Variants in TMEM132C observed in about 807,000 individuals in gnomAD.
The protein encoded by TMEM132C is protein phosphatase 1, regulatory subunit 152.
Under a neutral mutation model 61.4 loss-of-function variants are expected in TMEM132C, and 29 were observed. That is an observed-to-expected ratio of 0.47 (90% CI 0.35 to 0.64). TMEM132C has a LOEUF of 0.64. Among genes scored for constraint, TMEM132C ranks in the 30% least tolerant of loss-of-function variants. The probability of loss-of-function intolerance (pLI) is 0.00; values close to 1 mark genes in which losing one functional copy is unlikely to be tolerated. For missense variants in TMEM132C, 1,408 were observed against 1,476.9 expected (o/e 0.95, Z 0.76); for synonymous variants, 656 against 633.1 (o/e 1.04, Z -0.54).
At chr12:128,689,578 C>T (rs1228600682) in intron 5 of TMEM132C, among the ~76,000 whole-genome samples, 1 of 152,086 alleles carries the variant, frequency 6.6e-6, no homozygotes, top group Admixed American at 6.6e-5. Flanking sequence ...GCACAAAAAC[C>T]ATACTAGGAG....
chr12:128,405,180 C>T lies in TMEM132C; in HGVS notation c.86-9552C>T, dbSNP rs118172760. ...AAGAGGAAAGACATTTGTCAGAACTCGCAATGCCATGGCAGCCCTGGAATT... is the reference window on the plus strand; with the variant it reads ...AAGAGGAAAGACATTTGTCAGAACTTGCAATGCCATGGCAGCCCTGGAATT... On this transcript the variant is annotated intron_variant, in intron 1 of 8. Transcript: ENST00000435159. Among the ~76,000 whole-genome samples, 758 of 152,214 alleles carry T rather than the reference C, an allele frequency of 5.0e-3. 7 individuals carry two copies. Among genetic ancestry groups the T allele is most frequent in the Middle Eastern group, 0.027 (8 of 294 alleles).
At chr12:128,475,031 T>C (rs1458850108) in intron 2 of TMEM132C, among the ~76,000 whole-genome samples, 8 of 152,046 alleles carry the variant, frequency 5.3e-5, no homozygotes, top group Non-Finnish European at 1.2e-4. Context: ...CGAGGCTACA[T>C]GTGGAAGGGA....
intron 1 of TMEM132C, among the ~76,000 whole-genome samples, chr12:128,390,776 C>T (rs762986905): frequency 1.6e-4 from 25 of 152,108 alleles, no homozygotes; most frequent in African/African-American, 4.1e-4. Context: ...CTGGGAAGAG[C>T]GAAGCCGGGA....
chr12:128,305,143 CAG>C (rs1325872285), intron 1 of TMEM132C, among the ~76,000 whole-genome samples: 1 of 151,964 alleles, frequency 6.6e-6, no homozygotes. Context: ...CTTTGGGAGG[CAG>C]AAGTGGGAGG....
At chr12:128,556,909 T>G (rs571186458) in intron 3 of TMEM132C, among the ~76,000 whole-genome samples, 1 of 152,284 alleles carries the variant, frequency 6.6e-6, no homozygotes, top group East Asian at 1.9e-4. Flanking sequence ...GGACTCTTGA[T>G]TCACAGAAAC....
At chr12:128,692,376 A>G (rs761311470) in intron 5 of TMEM132C, among the ~76,000 whole-genome samples, 2 of 152,190 alleles carry the variant, frequency 1.3e-5, no homozygotes, top group African/African-American at 2.4e-5. Flanking sequence ...AATGAACACA[A>G]TGTACTTTTT....
At chr12:128,313,354 C>A in intron 1 of TMEM132C, among the ~76,000 whole-genome samples, 1 of 152,216 alleles carries the variant, frequency 6.6e-6, no homozygotes, top group East Asian at 1.9e-4. Context: ...ATGGCAGAAT[C>A]AGCCTTGGCA....
chr12:128,523,827 A>G (rs75387661), intron 2 of TMEM132C, among the ~76,000 whole-genome samples: 374 of 151,418 alleles, frequency 2.5e-3, no homozygotes, highest in South Asian at 3.5e-3. Context: ...AAAAAAAAAA[A>G]AGAGACCCTG....
chr12:128,577,025 T>G (rs1031732458), intron 3 of TMEM132C, among the ~76,000 whole-genome samples: 3 of 152,204 alleles, frequency 2.0e-5, no homozygotes, highest in Non-Finnish European at 2.9e-5. Flanking sequence ...TGTTTAATTC[T>G]TAAACATTTT....
intron 2 of TMEM132C, among the ~76,000 whole-genome samples, chr12:128,487,923 A>G (rs1488982187): frequency 6.6e-6 from 1 of 152,150 alleles, no homozygotes; most frequent in Admixed American, 6.5e-5. Context: ...CTTCCATTAA[A>G]ATTAATTAAA....
chr12:128,286,259 G>A (rs570107976), intron 1 of TMEM132C, among the ~76,000 whole-genome samples: 4 of 151,908 alleles, frequency 2.6e-5, no homozygotes, highest in Admixed American at 6.6e-5. Flanking sequence ...TAGCTTATAC[G>A]TGAACATTTC....
chr12:128,386,547 G>T (rs1874587931), intron 1 of TMEM132C, among the ~76,000 whole-genome samples: 1 of 152,178 alleles, frequency 6.6e-6, no homozygotes, highest in South Asian at 2.1e-4. Flanking sequence ...GGCTGGATAA[G>T]GAGATAAGTG....
intron 3 of TMEM132C, among the ~76,000 whole-genome samples, chr12:128,556,581 G>A (rs1874335249): frequency 6.6e-6 from 1 of 152,144 alleles, no homozygotes; most frequent in Non-Finnish European, 1.5e-5. Flanking sequence ...CCATGAACAG[G>A]TGGCAACTTT....
intron 2 of TMEM132C, among the ~76,000 whole-genome samples, chr12:128,524,693 T>A (rs903153881): frequency 2.6e-5 from 4 of 152,102 alleles, no homozygotes; most frequent in Non-Finnish European, 4.4e-5. Flanking sequence ...GGCTTTGGGA[T>A]CGATGGGTTT....
At chr12:128,453,678 G>A (rs1283343556) in intron 2 of TMEM132C, among the ~76,000 whole-genome samples, 2 of 152,162 alleles carry the variant, frequency 1.3e-5, no homozygotes, top group Non-Finnish European at 2.9e-5. Context: ...TCTGGAGCTG[G>A]GAGCAAACCA....
chr12:128,452,186 C>G (rs1217912272), intron 2 of TMEM132C, among the ~76,000 whole-genome samples: 2 of 151,958 alleles, frequency 1.3e-5, no homozygotes, highest in African/African-American at 4.8e-5. Flanking sequence ...CTTCACTTCC[C>G]AAGACTCAAG....
chr12:128,451,218 C>T (rs758626971), intron 2 of TMEM132C, among the ~76,000 whole-genome samples: 13 of 152,086 alleles, frequency 8.5e-5, no homozygotes, highest in African/African-American at 2.2e-4. Flanking sequence ...ACCAGTATTA[C>T]GTTTCTAGAC....
chr12:128,423,328 G>C (rs186647948), intron 2 of TMEM132C, among the ~76,000 whole-genome samples: 1 of 152,258 alleles, frequency 6.6e-6, no homozygotes, highest in African/African-American at 2.4e-5. Flanking sequence ...ACTGGTGGAT[G>C]AGGCCCAGTC....
chr12:128,360,127 GA>G (rs1565912240), intron 1 of TMEM132C, among the ~76,000 whole-genome samples: 1 of 152,074 alleles, frequency 6.6e-6, no homozygotes, highest in East Asian at 1.9e-4. Flanking sequence ...CAACAATAAC[GA>G]AACCAACATT....
Sources: allele counts gnomAD v4.1 joint callset (sites outside exome capture counted in the v4.1 genomes callset), GRCh38; gene constraint gnomAD v4.1.1; transcripts MANE v1.5; gene names NCBI Gene and HGNC (gene_info 2026-07-23, HGNC 2026-07-21).